Variants in ZNF251 observed in about 807,000 individuals in gnomAD.
The protein encoded by ZNF251 is zinc finger protein 251.
A neutral mutation model predicts 13.5 loss-of-function variants in ZNF251; 14 were observed. The ratio of observed to expected loss-of-function variants is 1.04; its 90% confidence interval spans 0.69 to 1.63. The LOEUF is 1.63. Ranked by LOEUF, ZNF251 falls within the 40% of genes most tolerant of loss-of-function variation. The pLI, the probability that ZNF251 is intolerant of heterozygous loss-of-function variation, is 0.00. For missense variants in ZNF251, 764 were observed against 834.9 expected (o/e 0.92, Z 1.05); for synonymous variants, 287 against 295.2 (o/e 0.97, Z 0.28).
intron 4 of ZNF251, 118 bp downstream of exon 4, chr8:144,753,565 G>T: frequency 1.4e-6 from 1 of 702,608 alleles, no homozygotes; most frequent in East Asian, 2.7e-5. Flanking sequence ...GTATCTGTGA[G>T]ACTGCCCCTG....
rs976140946 is a variant in ZNF251, at chr8:144,734,787, T to C, written c.278-11405A>G. Among the ~76,000 whole-genome samples the C allele has an allele frequency of 6.6e-6, 1 of 152,226 alleles. No individual in the cohort carries two copies. Among genetic ancestry groups the C allele is most frequent in the South Asian group, 2.1e-4 (1 of 4,830 alleles). ...AAATTCAAATTTGTCTTAAGGGATT[T>C]TGCAGGCCGGGCGTGGTAGCTCACG... On this transcript the variant is annotated intron_variant, in intron 4 of 4. Transcript: ENST00000292562. The surrounding 1 kb of genome is among the most constrained non-coding windows in gnomAD (Gnocchi z 4.4).
At chr8:144,729,163 C>A (rs1466995262) in intron 4 of ZNF251, among the ~76,000 whole-genome samples, 3 of 150,944 alleles carry the variant, frequency 2.0e-5, no homozygotes, top group Admixed American at 6.6e-5. Flanking sequence ...TGAAGTGTGC[C>A]TGACCTATAT....
Position 144,721,427 on chromosome 8 carries a change from C to A in ZNF251, c.*217G>T. The A allele has an allele frequency of 2.1e-6, 1 of 466,460 alleles. No homozygotes were observed. Among genetic ancestry groups the A allele is most frequent in the Non-Finnish European group, 3.5e-6 (1 of 288,460 alleles). 28.9% of individuals were successfully genotyped at this position (466,460 alleles called of 1,614,324 possible). On this transcript the variant is annotated 3_prime_UTR_variant, in exon 5 of 5. Transcript: ENST00000292562. The stretch of plus-strand genomic sequence containing the variant: ...CCGGATACAGCACCACACGGTTCAA[C>A]TCCTGAGCACAGCAGTAACCTTTAC...
intron 4 of ZNF251, among the ~76,000 whole-genome samples, chr8:144,738,311 G>A (rs369599919): frequency 2.0e-5 from 3 of 152,248 alleles, no homozygotes; most frequent in Non-Finnish European, 2.9e-5. Context: ...AATATGCCCC[G>A]TAGAAAGGCA....
intron 4 of ZNF251, among the ~76,000 whole-genome samples, chr8:144,737,660 G>A (rs370571925): frequency 2.0e-5 from 3 of 151,268 alleles, no homozygotes; most frequent in Non-Finnish European, 2.9e-5. Flanking sequence ...GTGAAACCCC[G>A]TCTCTACTAA....
rs1411853006 is a variant in ZNF251 at position 144,725,018 on chromosome 8, T to C, written c.278-1636A>G. On this transcript the variant is annotated intron_variant, in intron 4 of 4. Coordinates refer to ENST00000292562, the MANE Select transcript of ZNF251 (RefSeq NM_138367.2). Reference sequence around the variant, plus strand: ...ACCACCTTTTTTCTTTCTTTCTTGTTTTTTTTTTCTTTGAGACAGAGTTTC... The same window carrying C: ...ACCACCTTTTTTCTTTCTTTCTTGTCTTTTTTTTCTTTGAGACAGAGTTTC... Among the ~76,000 whole-genome samples the C allele has an allele frequency of 9.3e-5, 6 of 64,482 alleles. No homozygotes were observed. The East Asian group carries it at 2.2e-3, about 24-fold the overall frequency. The allele number at this position is 64,482 out of a possible 152,430, so 42.3% of individuals were successfully genotyped here.
intron 4 of ZNF251, among the ~76,000 whole-genome samples, chr8:144,751,841 G>C (rs551289811): frequency 6.6e-6 from 1 of 152,214 alleles, no homozygotes; most frequent in African/African-American, 2.4e-5. Context: ...GTAAAGACAG[G>C]TTGAAATTAA....
intron 4 of ZNF251, among the ~76,000 whole-genome samples, chr8:144,729,494 G>A (rs1487298071): frequency 4.0e-5 from 6 of 151,472 alleles, no homozygotes; most frequent in South Asian, 2.1e-4. Context: ...CCGCCACCAC[G>A]CCCGGCTAAT....
In ZNF251 at chr8:144,755,448, G is replaced by A. The variant is rs1195853864; in HGVS notation, c.-119C>T. On this transcript the variant is annotated 5_prime_UTR_variant, in exon 1 of 5. Transcript: ENST00000292562. Reference sequence around the variant, plus strand: ...GAAGCCACCGAGGAAGCGCCGAGGAGCTGCGCAGTCGCACCGAGCCCGGAA... The same window carrying A: ...GAAGCCACCGAGGAAGCGCCGAGGAACTGCGCAGTCGCACCGAGCCCGGAA... The A allele has an allele frequency of 3.1e-6, 4 of 1,286,960 alleles. No homozygotes were observed. Among genetic ancestry groups the A allele is most frequent in the Admixed American group, 4.6e-5 (2 of 43,560 alleles). 79.7% of individuals were successfully genotyped at this position (1,286,960 alleles called of 1,614,324 possible). A position where few individuals can be genotyped will look rare whatever the true frequency, so the allele number is the denominator to read the frequency against.
chr8:144,754,534 C>G (rs1277379636), intron 2 of ZNF251, 162 bp downstream of exon 2: 2 of 1,450,260 alleles, frequency 1.4e-6, no homozygotes, highest in East Asian at 5.0e-5. Flanking sequence ...GCCCCTCTCC[C>G]TGCAGGAGGG....
At chr8:144,732,614 C>G (rs564167383) in intron 4 of ZNF251, among the ~76,000 whole-genome samples, 2 of 151,028 alleles carry the variant, frequency 1.3e-5, no homozygotes, top group Non-Finnish European at 3.0e-5. Context: ...AGATGGAGAC[C>G]ATCCTGGCCA....
intron 4 of ZNF251, among the ~76,000 whole-genome samples, chr8:144,735,381 C>CAAAAAA (rs145271344): frequency 1.1e-5 from 1 of 94,614 alleles, no homozygotes; most frequent in African/African-American, 4.1e-5. Flanking sequence ...GACTCCGTCT[C>CAAAAAA]AAAAAAAAAA....
In ZNF251 at chr8:144,728,989, G is replaced by A. The variant is rs558602104; in HGVS notation, c.278-5607C>T. ...TGTAATCCCAGCTACTTGGGAGGCT[G>A]AGGCAGGAGAATCACTAGAACCTGG... On this transcript the variant is annotated intron_variant, in intron 4 of 4. Transcript: ENST00000292562. Among the ~76,000 whole-genome samples, 7 of 150,834 alleles carry A rather than the reference G, an allele frequency of 4.6e-5. No homozygotes were observed. In the East Asian group the frequency reaches 1.4e-3, roughly 30 times the overall value.
chr8:144,747,940 C>T (rs1193614108), intron 4 of ZNF251, among the ~76,000 whole-genome samples: 1 of 152,042 alleles, frequency 6.6e-6, no homozygotes, highest in African/African-American at 2.4e-5. Flanking sequence ...GATAGTGTCT[C>T]ACTCAGTTGC....
At position 144,722,488 on chromosome 8, in the gene ZNF251, C is replaced by T. The variant is rs1050560590; in HGVS notation, c.1172G>A (p.Ser391Asn). Residue 391 changes from serine (S) to asparagine (N), a missense_variant, in exon 5 of 5, where the codon AGC (serine) becomes AAC (asparagine). Ser to Asn is a conservative substitution (Grantham distance 46, BLOSUM62 1). Transcript: ENST00000292562. This position sits in a 1 kb window ranked among gnomAD's most constrained non-coding sequence, Gnocchi z 4.8. The part of the protein sequence containing the change: ...QCGKAFSQSS[S>N]LFLHHRVHTG... Reference sequence around the variant, plus strand: ...ATGAACCCGATGATGGAGGAAAAGGCTTGAGCTCTGACTGAAGGCCTTCCC... The same window carrying T: ...ATGAACCCGATGATGGAGGAAAAGGTTTGAGCTCTGACTGAAGGCCTTCCC... The T allele has an allele frequency of 1.9e-6, 3 of 1,613,198 alleles. No individual in the cohort carries two copies. Among genetic ancestry groups the T allele is most frequent in the Non-Finnish European group, 2.5e-6 (3 of 1,179,750 alleles).
intron 4 of ZNF251, among the ~76,000 whole-genome samples, chr8:144,739,668 G>T (rs1163038584): frequency 1.3e-5 from 2 of 152,096 alleles, no homozygotes; most frequent in Non-Finnish European, 2.9e-5. Flanking sequence ...GGAGGCCAAG[G>T]CAGGTAAATT....
chr8:144,723,919 C>CA (rs755615996), intron 4 of ZNF251, among the ~76,000 whole-genome samples: 1 of 152,070 alleles, frequency 6.6e-6, no homozygotes, highest in Non-Finnish European at 1.5e-5. Context: ...CTGTGATGCA[C>CA]AAAAATATCC....
intron 4 of ZNF251, chr8:144,730,021 C>G: frequency 1.0e-6 from 1 of 985,182 alleles, no homozygotes; most frequent in Non-Finnish European, 1.2e-6. Context: ...GAGCGGGTGC[C>G]CTCACCCACC....
rs772369121 is a variant in ZNF251, at chr8:144,721,671, C to T, written c.1989G>A (p.Lys663=). 1.5e-6 allele frequency: 2 copies of T among 1,342,080 alleles called. No homozygotes were observed. Among genetic ancestry groups the T allele is most frequent in the Non-Finnish European group, 1.9e-6 (2 of 1,036,878 alleles). 83.1% of individuals were successfully genotyped at this position (1,342,080 alleles called of 1,614,324 possible). The stretch of plus-strand genomic sequence containing the variant: ...AAAAATGTCTTTCTTGGAAAATCTT[C>T]TTGATATGAATAAAGTATCTTTTAG... ...DGSKRYFIHI[K]KIFQERHF is the part of the protein sequence containing the mutation. Residue 663 remains lysine, a synonymous_variant, in exon 5 of 5, where the codon AAG becomes AAA. Coordinates refer to ENST00000292562, the MANE Select transcript of ZNF251 (RefSeq NM_138367.2).
Sources: gnomAD v4.1 joint callset for allele counts (sites outside exome capture counted in the v4.1 genomes callset) on GRCh38, gnomAD v4.1.1 for gene constraint, Gnocchi (gnomAD v3.1) non-coding constraint, MANE v1.5 for transcripts, NCBI Gene and HGNC (gene_info 2026-07-23, HGNC 2026-07-21) for gene names.